The following TLK2 variants were observed in gnomAD, a reference collection of about 807,000 sequenced individuals.
TLK2 encodes tousled like kinase 2, also known as serine/threonine-protein kinase tousled-like 2.
A neutral mutation model predicts 117.3 loss-of-function variants in TLK2; 6 were observed. The observed-to-expected ratio is 0.05, with a 90% CI of 0.03 to 0.10. TLK2 has a LOEUF of 0.10. TLK2 is among the 10% of genes least tolerant of loss of function. The pLI is 1.00. For missense variants in TLK2, 299 were observed against 901.2 expected, an observed-to-expected ratio of 0.33 and a Z score of 8.56; for synonymous variants, 257 against 316.7, an observed-to-expected ratio of 0.81 and a Z score of 2.00.
intron 2 of TLK2, among the ~76,000 whole-genome samples, chr17:62,499,553 ATAGTAT>A (rs1373517834): frequency 6.6e-6 from 1 of 151,940 alleles, no homozygotes; most frequent in Non-Finnish European, 1.5e-5. Flanking sequence ...CATTTGTTGT[ATAGTAT>A]TATTTGTTTG....
At chr17:62,491,923 TGCATATATTGCAAA>T (rs2073151511) in intron 2 of TLK2, among the ~76,000 whole-genome samples, 1 of 152,190 alleles carries the variant, frequency 6.6e-6, no homozygotes. Context: ...TCTAAAAAAC[TGCATATATTGCAAA>T]GTATTGGAGT....
chr17:62,570,379 G>A (rs1332021165), intron 11 of TLK2, among the ~76,000 whole-genome samples: 1 of 152,088 alleles, frequency 6.6e-6, no homozygotes, highest in Non-Finnish European at 1.5e-5. Context: ...GATGAAGGGC[G>A]AGCGCTCTCT....
At chr17:62,609,436 G>A (rs796162421) in intron 21 of TLK2, among the ~76,000 whole-genome samples, 3 of 152,290 alleles carry the variant, frequency 2.0e-5, no homozygotes, top group African/African-American at 7.2e-5. Flanking sequence ...TTCCCTCACA[G>A]TGTACCTATG....
intron 10 of TLK2, among the ~76,000 whole-genome samples, chr17:62,562,084 G>T (rs1169190249): frequency 6.6e-6 from 1 of 152,224 alleles, no homozygotes; most frequent in Non-Finnish European, 1.5e-5. Context: ...AATGGACTGG[G>T]TGTGGTGGCT....
chr17:62,591,017 C>T (rs56323066), intron 16 of TLK2, among the ~76,000 whole-genome samples: 4 of 152,020 alleles, frequency 2.6e-5, no homozygotes, highest in Non-Finnish European at 4.4e-5. Context: ...TTTGGGAGGC[C>T]GAGGCCGGTG....
rs368644522 is a variant in TLK2, at chr17:62,523,501, G to A, written c.267+324G>A. ...AGGCTGAGGTGGGAGGATCACTTGA[G>A]CCTGAGAAGTCGAGGCTGCAGTGAG... On this transcript the variant is annotated intron_variant, in intron 5 of 21. Coordinates refer to ENST00000346027, the MANE Select transcript of TLK2 (RefSeq NM_006852.6). Among the ~76,000 whole-genome samples, 10 of 152,342 alleles carry A rather than the reference G, an allele frequency of 6.6e-5. No homozygotes were observed. In the East Asian group the frequency reaches 1.2e-3, roughly 18 times the overall value.
chr17:62,564,686 T>TC (rs1281851890), intron 10 of TLK2, among the ~76,000 whole-genome samples: 1 of 151,294 alleles, frequency 6.6e-6, no homozygotes, highest in East Asian at 1.9e-4. Context: ...CCAGTCTGGG[T>TC]GATAGAGCAA....
chr17:62,583,258 A>AT (rs1016568398), intron 15 of TLK2, among the ~76,000 whole-genome samples: 9 of 151,622 alleles, frequency 5.9e-5, no homozygotes, highest in Admixed American at 3.9e-4. Context: ...AAGCCCAGCT[A>AT]TTTTTTTTGT....
intron 7 of TLK2, among the ~76,000 whole-genome samples, chr17:62,545,983 G>A (rs895095210): frequency 1.3e-5 from 2 of 152,126 alleles, no homozygotes; most frequent in African/African-American, 4.8e-5. Flanking sequence ...CCAGATTCAA[G>A]CAATTCTCCT....
chr17:62,565,525 C>T (rs553585698), intron 11 of TLK2, among the ~76,000 whole-genome samples: 1 of 151,632 alleles, frequency 6.6e-6, no homozygotes. Context: ...TGGTGGCAGG[C>T]GCCTGTAATC....
chr17:62,550,651 A>C (rs2078383090), intron 7 of TLK2: 1 of 152,190 alleles, frequency 6.6e-6, no homozygotes, highest in Non-Finnish European at 1.5e-5. Flanking sequence ...GTGTGTAGGA[A>C]GTGCTAGTTT....
At chr17:62,479,560 C>T (rs1298201369) in intron 1 of TLK2, among the ~76,000 whole-genome samples, 2 of 151,892 alleles carry the variant, frequency 1.3e-5, no homozygotes, top group Non-Finnish European at 2.9e-5. Context: ...AGCTGGAGGC[C>T]TCGGCAGCCT....
Position 62,571,489 on chromosome 17 carries a change from T to A in TLK2, c.969-1726T>A, listed in dbSNP as rs1041746761. Among the ~76,000 whole-genome samples, 4 of 152,096 alleles carry A rather than the reference T, an allele frequency of 2.6e-5. No homozygotes were observed. The South Asian group carries it at 8.3e-4, about 32-fold the overall frequency. ...CCATGGATATGGAGAGCCATCCTTA[T>A]ATGTGTTCTGTGAGTAGGGATGAGG... On this transcript the variant is annotated intron_variant, in intron 11 of 21. Transcript: ENST00000346027.
chr17:62,553,884 C>G, intron 9 of TLK2, 129 bp downstream of exon 9: 1 of 635,060 alleles, frequency 1.6e-6, no homozygotes, highest in Non-Finnish European at 2.7e-6. Context: ...GGGTATTTTT[C>G]TTTAATTGAG....
chr17:62,523,574 CA>C (rs1432994908), intron 5 of TLK2, among the ~76,000 whole-genome samples: 2 of 150,916 alleles, frequency 1.3e-5, no homozygotes, highest in Admixed American at 1.3e-4. Flanking sequence ...ACCCTGTCTC[CA>C]AAAAAAAGAA....
chr17:62,571,103 A>G (rs1404090319), intron 11 of TLK2, among the ~76,000 whole-genome samples: 4 of 152,158 alleles, frequency 2.6e-5, no homozygotes, highest in Admixed American at 2.0e-4. Flanking sequence ...CAGAATAAAG[A>G]TTGTGATTTT....
At chr17:62,516,433 C>T (rs2075596056) in intron 2 of TLK2, 2 of 1,591,898 alleles carry the variant, frequency 1.3e-6, no homozygotes, top group Non-Finnish European at 1.7e-6. Flanking sequence ...CACAGCACTC[C>T]TCATATACAG....
intron 9 of TLK2, among the ~76,000 whole-genome samples, chr17:62,554,517 G>A (rs766337779): frequency 1.3e-5 from 2 of 152,170 alleles, no homozygotes; most frequent in Non-Finnish European, 2.9e-5. Context: ...GGGAGGCGGA[G>A]GTTGCAGTGA....
At chr17:62,552,784 A>C (rs1004858320) in intron 8 of TLK2, among the ~76,000 whole-genome samples, 4 of 151,948 alleles carry the variant, frequency 2.6e-5, no homozygotes, top group African/African-American at 9.7e-5. Flanking sequence ...CTGTGAAAAT[A>C]TGGTTGATTC....
Sources: allele counts gnomAD v4.1 joint callset (sites outside exome capture counted in the v4.1 genomes callset), GRCh38; gene constraint gnomAD v4.1.1; transcripts MANE v1.5; gene names NCBI Gene and HGNC (gene_info 2026-07-23, HGNC 2026-07-21).